ULK2: variants seen among roughly 807,000 people sequenced by gnomAD.
The protein encoded by ULK2 is serine/threonine-protein kinase ULK2.
ULK2 carries 76 observed loss-of-function variants against 127.5 expected under a neutral mutation model. The ratio of observed to expected loss-of-function variants is 0.60; its 90% CI spans 0.50 to 0.72. ULK2 has a LOEUF of 0.72. ULK2 is among the 30% of genes least tolerant of loss of function. ULK2 has a pLI of 0.00. For missense variants in ULK2, 1,144 were observed against 1,295.9 expected, an observed-to-expected ratio of 0.88 and a Z score of 1.80; for synonymous variants, 452 against 461.9, an observed-to-expected ratio of 0.98 and a Z score of 0.28.
intron 25 of ULK2, among the ~76,000 whole-genome samples, chr17:19,779,476 G>A (rs1489202869): frequency 6.8e-6 from 1 of 146,108 alleles, no homozygotes; most frequent in Non-Finnish European, 1.5e-5. Context: ...AGGTTGCAGT[G>A]AGCCAAGATC....
At chr17:19,807,877 C>T (rs1170364120) in intron 14 of ULK2, among the ~76,000 whole-genome samples, 1 of 152,080 alleles carries the variant, frequency 6.6e-6, no homozygotes, top group African/African-American at 2.4e-5. Flanking sequence ...GAGGCTGAAG[C>T]AGGTGGATCA....
intron 12 of ULK2, among the ~76,000 whole-genome samples, chr17:19,817,418 G>A (rs1457069664): frequency 6.6e-6 from 1 of 152,160 alleles, no homozygotes; most frequent in East Asian, 1.9e-4. Context: ...GACAAATCAG[G>A]AAGGGTGCCT....
In ULK2 at chr17:19,867,479, A is replaced by T. The variant is rs903631366; in HGVS notation, c.-62T>A. 7.3e-7 allele frequency: 1 copy of T among 1,376,248 alleles called. No homozygotes were observed. The highest frequency in any genetic ancestry group is 9.6e-7 in the Non-Finnish European group (1 of 1,036,270). 85.3% of individuals were successfully genotyped at this position (1,376,248 alleles called of 1,614,324 possible). A position where few individuals can be genotyped will look rare whatever the true frequency, so the allele number is the denominator to read the frequency against. On this transcript the variant is annotated 5_prime_UTR_variant, in exon 1 of 27. Coordinates refer to ENST00000395544, the MANE Select transcript of ULK2 (RefSeq NM_014683.4). ...GGCGCAGTGCGGCGCAGGTATCAGC[A>T]CCGCGGCTCCGCGGGCCCGGAGCGC...
At chr17:19,810,243 AAAAAAAAAAAAAAAC>A in intron 14 of ULK2, 120 bp downstream of exon 14, 2 of 73,190 alleles carry the variant, frequency 2.7e-5, no homozygotes, top group Non-Finnish European at 2.3e-5. Flanking sequence ...AAAAAAAAAA[AAAAAAAAAAAAAAAC>A]CAGAAATAAT....
rs2086730849 is a variant in ULK2 at position 19,770,995 on chromosome 17, C to T, written c.*5354G>A. 1 of 152,204 alleles carries T rather than the reference C, an allele frequency of 6.6e-6. No homozygotes were observed. Among genetic ancestry groups the T allele is most frequent in the African/African-American group, 2.4e-5 (1 of 41,436 alleles). 9.4% of individuals were successfully genotyped at this position (152,204 alleles called of 1,614,324 possible). ...CTGTTTCTTGAAATTTTGCTGCCTT[C>T]CACTAGGCAGATGGGTCCAGCAGGA... On this transcript the variant is annotated 3_prime_UTR_variant, in exon 27 of 27. Coordinates refer to ENST00000395544, the MANE Select transcript of ULK2 (RefSeq NM_014683.4).
chr17:19,847,069 G>A (rs2041901805), intron 5 of ULK2, among the ~76,000 whole-genome samples, 159 bp from the exon 6 acceptor site: 2 of 152,192 alleles, frequency 1.3e-5, no homozygotes, highest in African/African-American at 4.8e-5. Context: ...TGAAGACTAT[G>A]AAGAGATATC....
intron 21 of ULK2, among the ~76,000 whole-genome samples, chr17:19,785,523 A>G (rs2087009824): frequency 6.6e-6 from 1 of 151,758 alleles, no homozygotes; most frequent in African/African-American, 2.4e-5. Context: ...AGCCAAAACA[A>G]GTTTCTTTAA....
Position 19,819,657 on chromosome 17 carries a change from A to G in ULK2, c.925-2737T>C, listed in dbSNP as rs182168052. Among the ~76,000 whole-genome samples, 6 of 152,202 alleles carry G rather than the reference A, an allele frequency of 3.9e-5. No individual in the cohort carries two copies. The East Asian group carries it at 1.2e-3, about 29-fold the overall frequency. ...GCCTGTACGTTAACTCATCACCTTT[A>G]TATTCCAAAGCACTGCTCCCCAAGT... On this transcript the variant is annotated intron_variant, in intron 12 of 26. Transcript: ENST00000395544.
chr17:19,817,094 T>G (rs990132952), intron 12 of ULK2, among the ~76,000 whole-genome samples, 174 bp from the exon 13 acceptor site: 1 of 152,238 alleles, frequency 6.6e-6, no homozygotes. Context: ...AACCTTTCTT[T>G]TAAAAGTGTT....
rs2041425258 is a variant in ULK2 at position 19,830,959 on chromosome 17, G to T, written c.788-4773C>A. 2.0e-5 allele frequency among the ~76,000 whole-genome samples: 3 copies of T among 150,378 alleles called. No homozygotes were observed. The South Asian group carries it at 6.4e-4, about 32-fold the overall frequency. On this transcript the variant is annotated intron_variant, in intron 10 of 26. Transcript: ENST00000395544. ...GGAGAATCGCTTGAACCCCGGAAGT[G>T]GAGGTTACAGTGAGCCACGATTGCT...
chr17:19,845,735 GTAC>G (rs2152398195), intron 6 of ULK2, among the ~76,000 whole-genome samples: 1 of 152,140 alleles, frequency 6.6e-6, no homozygotes, highest in South Asian at 2.1e-4. Context: ...TAATTTTGAG[GTAC>G]TACTAAAAAA....
At chr17:19,783,584 C>A in intron 22 of ULK2, 113 bp downstream of exon 22, 2 of 1,097,144 alleles carry the variant, frequency 1.8e-6, no homozygotes, top group Admixed American at 3.1e-5. Flanking sequence ...AGAAAAGGCA[C>A]GTTAAAGAGA....
intron 6 of ULK2, 96 bp downstream of exon 6, chr17:19,846,639 CAA>C (rs140413803): frequency 0.014 from 15,103 of 1,101,168 alleles, no homozygotes; most frequent in South Asian, 0.021. Flanking sequence ...GACTCCATCT[CAA>C]AAAAAAAAAA....
At chr17:19,805,074 T>C (rs1225028491) in intron 14 of ULK2, among the ~76,000 whole-genome samples, 2 of 151,692 alleles carry the variant, frequency 1.3e-5, no homozygotes, top group Non-Finnish European at 2.9e-5. Context: ...TGGAAAAAAG[T>C]TCCTTTACAA....
chr17:19,789,213 C>A (rs1287747291), intron 20 of ULK2, among the ~76,000 whole-genome samples: 2 of 152,020 alleles, frequency 1.3e-5, no homozygotes, highest in Non-Finnish European at 2.9e-5. Context: ...ATCACCCCAC[C>A]CCCACCTCCA....
In ULK2 at chr17:19,797,139, C is replaced by CA. The variant is rs887548207; in HGVS notation, c.1809+256dup. 4.6e-5 allele frequency among the ~76,000 whole-genome samples: 7 copies of CA among 151,344 alleles called. No individual in the cohort carries two copies. The East Asian group carries it at 5.8e-4, about 13-fold the overall frequency. On this transcript the variant is annotated intron_variant, in intron 18 of 26. Coordinates refer to ENST00000395544, the MANE Select transcript of ULK2 (RefSeq NM_014683.4). ...TGAAATCCCATCTCTACTAAAAATA[C>CA]AAAAAAAATTAGCTGGGCATGGTGG...
chr17:19,804,638 A>AT, intron 15 of ULK2, 55 bp downstream of exon 15: 11 of 1,527,390 alleles, frequency 7.2e-6, no homozygotes, highest in South Asian at 2.7e-5. Flanking sequence ...ATATCAATAA[A>AT]TTTTTTTTAA....
intron 4 of ULK2, 30 bp from the exon 5 acceptor site, chr17:19,849,435 T>G: frequency 1.4e-5 from 22 of 1,584,912 alleles, no homozygotes; most frequent in Non-Finnish European, 1.8e-5. Flanking sequence ...GTAATGAAAA[T>G]AAGGACAGTG....
intron 17 of ULK2, among the ~76,000 whole-genome samples, chr17:19,798,647 G>C (rs2087326621): frequency 6.6e-6 from 1 of 152,030 alleles, no homozygotes; most frequent in South Asian, 2.1e-4. Flanking sequence ...AAATCTTATG[G>C]TCTGAATAAA....
Sources: allele counts gnomAD v4.1 joint callset (sites outside exome capture counted in the v4.1 genomes callset), GRCh38; gene constraint gnomAD v4.1.1; transcripts MANE v1.5; gene names NCBI Gene and HGNC (gene_info 2026-07-23, HGNC 2026-07-21).